Variants in HPSE2 observed in about 807,000 individuals in gnomAD.
HPSE2 encodes the protein inactive heparanase-2.
In HPSE2, 38 loss-of-function variants were observed where a neutral mutation model predicts 60.5. That is an observed-to-expected ratio of 0.63 (90% CI 0.48 to 0.82). The LOEUF is 0.82. HPSE2 is among the 40% of genes least tolerant of loss of function. The pLI, the probability that HPSE2 is intolerant of heterozygous loss-of-function variation, is 0.00. For synonymous variants in HPSE2, 295 were observed against 293.2 expected (o/e 1.01, Z -0.06); for missense variants, 713 against 740.4 (o/e 0.96, Z 0.43).
intron 2 of HPSE2, among the ~76,000 whole-genome samples, chr10:99,213,872 T>A (rs571071707): frequency 6.6e-6 from 1 of 152,182 alleles, no homozygotes; most frequent in South Asian, 2.1e-4. Flanking sequence ...ATTACCAAAT[T>A]AAAAAACATT....
At chr10:98,587,289 G>C (rs1944965536) in intron 9 of HPSE2, among the ~76,000 whole-genome samples, 1 of 152,136 alleles carries the variant, frequency 6.6e-6, no homozygotes, top group Non-Finnish European at 1.5e-5. Flanking sequence ...GCAGAGCAAA[G>C]CACACGCTGA....
At chr10:98,574,692 GAGA>G (rs10533744) in intron 9 of HPSE2, among the ~76,000 whole-genome samples, 128,982 of 151,876 alleles carry the variant, frequency 0.85, 56,035 homozygotes, top group East Asian at 1. Flanking sequence ...CATTGGCATC[GAGA>G]AGAAGGTCTA....
chr10:98,815,634 A>G (rs922290742), intron 3 of HPSE2, among the ~76,000 whole-genome samples: 4 of 152,192 alleles, frequency 2.6e-5, no homozygotes, highest in African/African-American at 9.7e-5. Flanking sequence ...TGGTCCTTAC[A>G]AAGACAGAAA....
intron 3 of HPSE2, among the ~76,000 whole-genome samples, chr10:98,986,914 G>A (rs1197599384): frequency 6.6e-6 from 1 of 152,038 alleles, no homozygotes; most frequent in Non-Finnish European, 1.5e-5. Flanking sequence ...AAATTTCTCG[G>A]CACATAAACC....
At chr10:98,548,598 C>A (rs1943765294) in intron 9 of HPSE2, among the ~76,000 whole-genome samples, 1 of 147,212 alleles carries the variant, frequency 6.8e-6, no homozygotes, top group East Asian at 2.0e-4. Context: ...GCCTGGGCAA[C>A]AGAGTGAGAC....
At chr10:98,503,790 T>C (rs1214117795) in intron 9 of HPSE2, among the ~76,000 whole-genome samples, 1 of 152,306 alleles carries the variant, frequency 6.6e-6, no homozygotes, top group African/African-American at 2.4e-5. Flanking sequence ...TTCTCACTGA[T>C]AATGTGGGAG....
intron 3 of HPSE2, among the ~76,000 whole-genome samples, chr10:98,746,745 T>C (rs970113860): frequency 6.6e-6 from 1 of 151,996 alleles, no homozygotes; most frequent in Non-Finnish European, 1.5e-5. Flanking sequence ...GAAATTTGTG[T>C]TAAGACTTTG....
At position 98,490,138 on chromosome 10, in the gene HPSE2, T is replaced by A. The variant is rs776630003; in HGVS notation, c.1379A>T (p.His460Leu). 1.2e-6 allele frequency: 2 copies of A among 1,614,240 alleles called. No individual in the cohort carries two copies. The highest frequency in any genetic ancestry group is 1.1e-5 in the South Asian group (1 of 91,088). Residue 460 changes from histidine (H) to leucine (L), a missense_variant, in exon 10 of 12, where the codon CAT becomes CTT. His to Leu is a moderately conservative substitution (Grantham distance 99). Transcript: ENST00000370552. ...TGGCTTCCGCTGGAGCCCAGCCACATGCACAGCCAAGACTTTGGGGCCGAT... is the reference window on the plus strand; with the variant it reads ...TGGCTTCCGCTGGAGCCCAGCCACAAGCACAGCCAAGACTTTGGGGCCGAT... ...RLIGPKVLAVHVAGLQRKPRP... is the reference protein window; with the variant it reads ...RLIGPKVLAVLVAGLQRKPRP...
At chr10:99,060,044 C>CCA (rs144555795) in intron 3 of HPSE2, among the ~76,000 whole-genome samples, 199 of 149,514 alleles carry the variant, frequency 1.3e-3, no homozygotes, top group Middle Eastern at 3.4e-3. Flanking sequence ...CAACATCTCC[C>CCA]CACACACACA....
chr10:98,995,007 G>T (rs777654364), intron 3 of HPSE2, among the ~76,000 whole-genome samples: 1 of 152,140 alleles, frequency 6.6e-6, no homozygotes, highest in Non-Finnish European at 1.5e-5. Context: ...GCCCATTTTT[G>T]ATTCCTGGGG....
chr10:98,771,822 T>C (rs1037841619), intron 3 of HPSE2, among the ~76,000 whole-genome samples: 1 of 152,154 alleles, frequency 6.6e-6, no homozygotes, highest in Non-Finnish European at 1.5e-5. Context: ...GTAATAGCCA[T>C]GTTGAGCAAC....
chr10:98,723,436 G>A (rs183182051), intron 4 of HPSE2, among the ~76,000 whole-genome samples: 1 of 151,974 alleles, frequency 6.6e-6, no homozygotes, highest in Non-Finnish European at 1.5e-5. Flanking sequence ...TTTTTTTGTC[G>A]TGTCTCTGCC....
chr10:99,081,447 G>A lies in HPSE2; in HGVS notation c.610+62791C>T, dbSNP rs1326642163. 3.9e-5 allele frequency among the ~76,000 whole-genome samples: 6 copies of A among 151,960 alleles called. No individual in the cohort carries two copies. The East Asian group carries it at 1.2e-3, about 29-fold the overall frequency. The stretch of plus-strand genomic sequence containing the variant: ...TCTCAGGTGCCTCATCTGCAAAACA[G>A]GAATAATGATATTTTATAGGATGTG... On this transcript the variant is annotated intron_variant, in intron 3 of 11. Coordinates refer to ENST00000370552, the MANE Select transcript of HPSE2 (RefSeq NM_021828.5).
intron 9 of HPSE2, among the ~76,000 whole-genome samples, chr10:98,498,788 G>A (rs1941935048): frequency 2.6e-5 from 4 of 152,188 alleles, no homozygotes; most frequent in South Asian, 4.1e-4. Context: ...CAAGGAAATA[G>A]ATAGCATAAA....
At chr10:98,636,560 T>G (rs1241364002) in intron 7 of HPSE2, among the ~76,000 whole-genome samples, 1 of 152,174 alleles carries the variant, frequency 6.6e-6, no homozygotes, top group East Asian at 1.9e-4. Context: ...AGTTTGATCA[T>G]TACACATTGT....
intron 3 of HPSE2, among the ~76,000 whole-genome samples, chr10:99,123,632 G>C (rs1011815778): frequency 6.6e-6 from 1 of 152,152 alleles, no homozygotes; most frequent in Non-Finnish European, 1.5e-5. Flanking sequence ...GGAATAATGA[G>C]GTACATGGAA....
chr10:99,145,184 T>C (rs545627589), intron 2 of HPSE2, among the ~76,000 whole-genome samples: 2 of 152,156 alleles, frequency 1.3e-5, no homozygotes, highest in African/African-American at 4.8e-5. Context: ...CAGCCAGGCG[T>C]GGTGGCTCAC....
At chr10:98,844,873 T>G (rs886449243) in intron 3 of HPSE2, among the ~76,000 whole-genome samples, 1 of 152,196 alleles carries the variant, frequency 6.6e-6, no homozygotes. Flanking sequence ...ACACCAAAAT[T>G]CTAACCTTGG....
intron 6 of HPSE2, among the ~76,000 whole-genome samples, chr10:98,680,523 A>T (rs1231304865): frequency 6.6e-6 from 1 of 152,214 alleles, no homozygotes; most frequent in Non-Finnish European, 1.5e-5. Context: ...CAAGTCAGGA[A>T]CATCAAACTG....
Sources: allele counts gnomAD v4.1 joint callset (sites outside exome capture counted in the v4.1 genomes callset), GRCh38; gene constraint gnomAD v4.1.1; transcripts MANE v1.5; gene names NCBI Gene and HGNC (gene_info 2026-07-23, HGNC 2026-07-21).